Variants in PCDH15 observed in about 807,000 individuals in gnomAD.
PCDH15 encodes protocadherin related 15.
A neutral mutation model predicts 178.5 loss-of-function variants in PCDH15; 129 were observed. The ratio of observed to expected loss-of-function variants is 0.72; its 90% CI spans 0.63 to 0.84. PCDH15 has a LOEUF of 0.84. PCDH15 is among the 40% of genes least tolerant of loss of function. The pLI is 0.00. For missense variants in PCDH15, 2,230 were observed against 2,099.9 expected, an observed-to-expected ratio of 1.06 and a Z score of -1.21; for synonymous variants, 800 against 732.0, an observed-to-expected ratio of 1.09 and a Z score of -1.50.
intron 15 of PCDH15, among the ~76,000 whole-genome samples, chr10:54,104,106 T>C (rs1284513798): frequency 6.6e-6 from 1 of 152,180 alleles, no homozygotes; most frequent in Non-Finnish European, 1.5e-5. Context: ...TCCTGGCAAC[T>C]GCCTTAGGGG....
At chr10:54,151,408 G>A (rs1161533652) in intron 14 of PCDH15, among the ~76,000 whole-genome samples, 1 of 152,066 alleles carries the variant, frequency 6.6e-6, no homozygotes, top group Non-Finnish European at 1.5e-5. Context: ...AGGATTGGTG[G>A]CCTGAACCTG....
At chr10:55,584,814 T>C (rs1284290687) in intron 2 of PCDH15, among the ~76,000 whole-genome samples, 3 of 151,644 alleles carry the variant, frequency 2.0e-5, no homozygotes, top group Non-Finnish European at 2.9e-5. Context: ...TTGGATCGAT[T>C]TTAAACTTGG....
intron 18 of PCDH15, among the ~76,000 whole-genome samples, chr10:54,053,309 T>C (rs2093818053): frequency 2.0e-5 from 3 of 152,198 alleles, no homozygotes; most frequent in African/African-American, 7.2e-5. Flanking sequence ...ATTACAAAAC[T>C]TTACTTTTAG....
intron 2 of PCDH15, among the ~76,000 whole-genome samples, chr10:55,546,830 C>G (rs1321515576): frequency 6.6e-6 from 1 of 151,704 alleles, no homozygotes; most frequent in Non-Finnish European, 1.5e-5. Flanking sequence ...GATGAACAGA[C>G]GGAATTAGAA....
chr10:54,438,239 G>A (rs1262372178), intron 3 of PCDH15, among the ~76,000 whole-genome samples: 4 of 145,238 alleles, frequency 2.8e-5, no homozygotes, highest in African/African-American at 7.6e-5. Flanking sequence ...AAGAATCATA[G>A]CAGGAAGAAT....
At chr10:55,517,204 T>C (rs1281872802) in intron 2 of PCDH15, among the ~76,000 whole-genome samples, 1 of 152,144 alleles carries the variant, frequency 6.6e-6, no homozygotes, top group Non-Finnish European at 1.5e-5. Context: ...TGTTAGCAAG[T>C]CCTTCAACTA....
At chr10:53,990,455 G>T (rs1327203634) in intron 21 of PCDH15, among the ~76,000 whole-genome samples, 2 of 149,850 alleles carry the variant, frequency 1.3e-5, no homozygotes, top group African/African-American at 4.9e-5. Flanking sequence ...CAGTATTAAA[G>T]CCTGAAAAAA....
intron 28 of PCDH15, among the ~76,000 whole-genome samples, chr10:53,853,228 AG>A (rs2078505113): frequency 6.6e-6 from 1 of 151,974 alleles, no homozygotes; most frequent in South Asian, 2.1e-4. Flanking sequence ...AAAAAAAAAA[AG>A]GCTGGACCCT....
At chr10:53,947,013 T>C (rs2134138894) in intron 23 of PCDH15, among the ~76,000 whole-genome samples, 1 of 152,254 alleles carries the variant, frequency 6.6e-6, no homozygotes, top group Admixed American at 6.5e-5. Flanking sequence ...CCTGACCTCA[T>C]GATCCACCCA....
chr10:55,084,942 T>C (rs757188744), intron 2 of PCDH15, among the ~76,000 whole-genome samples: 5 of 151,932 alleles, frequency 3.3e-5, no homozygotes, highest in Non-Finnish European at 7.4e-5. Context: ...CAGATGAGGA[T>C]GTGAAGGAAA....
At chr10:55,253,177 CAG>C (rs1031242696) in intron 1 of PCDH15, among the ~76,000 whole-genome samples, 6 of 147,790 alleles carry the variant, frequency 4.1e-5, no homozygotes, top group Admixed American at 1.3e-4. Context: ...AAGACAGAAA[CAG>C]AGAGAATGGA....
At chr10:54,363,303 C>G (rs1287629539) in intron 5 of PCDH15, among the ~76,000 whole-genome samples, 49 of 152,084 alleles carry the variant, frequency 3.2e-4, no homozygotes. Context: ...ATAAAATATG[C>G]AGGTCATTTA....
intron 8 of PCDH15, among the ~76,000 whole-genome samples, chr10:54,278,190 G>A (rs73239251): frequency 0.024 from 3,616 of 151,438 alleles, 143 homozygotes; most frequent in African/African-American, 0.083. Context: ...ACAATAGGTC[G>A]ATGTAATTGG....
intron 2 of PCDH15, among the ~76,000 whole-genome samples, chr10:55,500,144 T>C (rs1840623386): frequency 6.6e-6 from 1 of 151,200 alleles, no homozygotes; most frequent in Admixed American, 6.6e-5. Context: ...GTTTAATACA[T>C]CAGATAAGAA....
At chr10:55,000,959 T>C (rs928652649) in intron 2 of PCDH15, among the ~76,000 whole-genome samples, 14 of 152,160 alleles carry the variant, frequency 9.2e-5, no homozygotes, top group African/African-American at 3.4e-4. Flanking sequence ...CAAATTAGCA[T>C]GCACTTCCTT....
At chr10:54,851,253 T>A (rs1031263371) in intron 3 of PCDH15, among the ~76,000 whole-genome samples, 3 of 152,062 alleles carry the variant, frequency 2.0e-5, no homozygotes, top group Non-Finnish European at 2.9e-5. Flanking sequence ...AGCTACTATG[T>A]ACCCACAAAA....
chr10:54,128,573 CT>C (rs1471327208), intron 15 of PCDH15, among the ~76,000 whole-genome samples: 1 of 152,118 alleles, frequency 6.6e-6, no homozygotes, highest in African/African-American at 2.4e-5. Context: ...CCTTGCCAGA[CT>C]TTTTTTGTAA....
At chr10:54,828,259 G>C (rs904075098) in intron 3 of PCDH15, among the ~76,000 whole-genome samples, 1 of 151,942 alleles carries the variant, frequency 6.6e-6, no homozygotes, top group Non-Finnish European at 1.5e-5. Context: ...TAACATTCTA[G>C]AGTTGAAGAG....
chr10:54,466,484 G>A (rs11004322), intron 3 of PCDH15, among the ~76,000 whole-genome samples: 32,834 of 151,708 alleles, frequency 0.22, 4,115 homozygotes, highest in Middle Eastern at 0.3. Context: ...TCAGCTGGCT[G>A]TAAATACACA....
Sources: gnomAD v4.1 joint callset for allele counts (sites outside exome capture counted in the v4.1 genomes callset) on GRCh38, gnomAD v4.1.1 for gene constraint, MANE v1.5 for transcripts, NCBI Gene and HGNC (gene_info 2026-07-23, HGNC 2026-07-21) for gene names.